TANGO2: variants seen among roughly 807,000 people sequenced by gnomAD.
TANGO2 encodes the protein transport and golgi organization 2 homolog, also known as transport and Golgi organization protein 2 homolog.
TANGO2 carries 26 observed loss-of-function variants against 39.1 expected under a neutral mutation model. That is an observed-to-expected ratio of 0.67 (90% confidence interval 0.49 to 0.92). The LOEUF (loss-of-function observed/expected upper bound fraction) is 0.92, where lower values mean the gene tolerates loss of function less well. Among genes scored for constraint, TANGO2 ranks in the 40% least tolerant of loss-of-function variants. The pLI is 0.00. For synonymous variants in TANGO2, 131 were observed against 144.5 expected (o/e 0.91, Z 0.67); for missense variants, 326 against 360.1 (o/e 0.91, Z 0.77).
rs61737483 is a variant in TANGO2, at chr22:20,061,627, G to A, written c.549G>A (p.Ala183=). ...TGGAGGCTGTGGAACGGAGCCAGGC[G>A]CTGCCCAAGGATGTGCTCATCGCCA... The part of the protein sequence containing the change: ...LFLEAVERSQ[A]LPKDVLIASL... The change falls in exon 7 of 9, where the codon GCG becomes GCA. Residue 183 remains alanine (A), a synonymous_variant. Coordinates refer to ENST00000327374, the MANE Select transcript of TANGO2 (RefSeq NM_152906.7). The A allele has an allele frequency of 3.8e-6, 6 of 1,570,960 alleles. No homozygotes were observed. The highest frequency in any genetic ancestry group is 2.7e-5 in the African/African-American group (2 of 74,374).
Position 20,049,658 on chromosome 22 carries a change from CT to C in TANGO2, c.146-2806del, listed in dbSNP as rs1305858134. ...CTGGGTAACAAGAGCGAAACTCTGTCTCAAAAAAAAAAAAAAAAAGAAAAAA... is the reference window on the plus strand; with the variant it reads ...CTGGGTAACAAGAGCGAAACTCTGTCCAAAAAAAAAAAAAAAAAGAAAAAA... On this transcript the variant is annotated intron_variant, in intron 3 of 8. Transcript: ENST00000327374. Among the ~76,000 whole-genome samples the C allele has an allele frequency of 3.3e-4, 44 of 133,858 alleles. 1 individual carries two copies. The highest frequency in any genetic ancestry group is 1.3e-3 in the African/African-American group (44 of 33,516). The allele number at this position is 133,858 out of a possible 152,430, so 87.8% of individuals were successfully genotyped here. A position where few individuals can be genotyped will look rare whatever the true frequency, so the allele number is the denominator to read the frequency against.
chr22:20,025,451 G>A (rs1334390668), intron 1 of TANGO2, among the ~76,000 whole-genome samples: 3 of 151,950 alleles, frequency 2.0e-5, no homozygotes, highest in Non-Finnish European at 4.4e-5. Context: ...ATGCTTACTG[G>A]GTGTGCACGC....
At chr22:20,018,309 A>G (rs1023239688), upstream of TANGO2, among the ~76,000 whole-genome samples, 3 of 152,220 alleles carry the variant, frequency 2.0e-5, no homozygotes, top group African/African-American at 7.2e-5. Flanking sequence ...TGTCCCTAGA[A>G]TAGGGGCCCT....
intron 1 of TANGO2, among the ~76,000 whole-genome samples, chr22:20,023,349 C>T (rs1052950006): frequency 3.3e-5 from 5 of 152,150 alleles, no homozygotes; most frequent in African/African-American, 1.2e-4. Flanking sequence ...GCGAGGCTGG[C>T]CTGTCCCTGG....
chr22:20,056,158 C>T (rs773384025), intron 6 of TANGO2, 145 bp downstream of exon 6: 3 of 735,702 alleles, frequency 4.1e-6, no homozygotes, highest in Non-Finnish European at 7.3e-6. Flanking sequence ...TCTGTGGGCA[C>T]CTTGCCCTGC....
Position 20,064,520 on chromosome 22 carries a change from G to A in TANGO2, c.711-22G>A, listed in dbSNP as rs192278968. The A allele has an allele frequency of 2.1e-3, 3,424 of 1,613,798 alleles. 40 individuals are homozygous for A. Among genetic ancestry groups the A allele is most frequent in the South Asian group, 0.014 (1,235 of 91,068 alleles). ...CAGGGCTGAGGGACACCAGGTGAAC[G>A]AGGGCCCCTGCTCTCTTTCAGAACC... On this transcript the variant is annotated intron_variant, in intron 8 of 8. Coordinates refer to ENST00000327374, the MANE Select transcript of TANGO2 (RefSeq NM_152906.7).
chr22:20,045,750 G>A (rs1289659962), intron 3 of TANGO2, among the ~76,000 whole-genome samples: 3 of 151,978 alleles, frequency 2.0e-5, no homozygotes, highest in East Asian at 1.9e-4. Context: ...TGATCCGCCC[G>A]CCTTGTCCTC....
upstream of TANGO2, among the ~76,000 whole-genome samples, chr22:20,017,771 A>G (rs1569210331): frequency 1.3e-5 from 2 of 152,070 alleles, no homozygotes; most frequent in Admixed American, 6.5e-5. Context: ...TGGGACCATG[A>G]CCCTCCGCCA....
chr22:20,028,254 G>A (rs1039980106), intron 1 of TANGO2, among the ~76,000 whole-genome samples: 2 of 152,202 alleles, frequency 1.3e-5, no homozygotes, highest in South Asian at 2.1e-4. Flanking sequence ...TGGGACCACA[G>A]GCATATGCCA....
intron 3 of TANGO2, among the ~76,000 whole-genome samples, chr22:20,050,786 T>G (rs1455573732): frequency 6.6e-6 from 1 of 151,932 alleles, no homozygotes; most frequent in Non-Finnish European, 1.5e-5. Context: ...GTTTTGGTAT[T>G]CCTTTTGGGT....
intron 7 of TANGO2, 61 bp downstream of exon 7, chr22:20,061,744 GGCA>G: frequency 6.8e-7 from 1 of 1,480,772 alleles, no homozygotes. Flanking sequence ...CAGAGGGAAA[GGCA>G]GGCCCTGCTG....
intron 7 of TANGO2, 101 bp from the exon 8 acceptor site, chr22:20,063,237 A>G: frequency 3.4e-6 from 3 of 886,814 alleles, no homozygotes; most frequent in Non-Finnish European, 3.6e-6. Flanking sequence ...TTCCCCGGCC[A>G]CTCCCCAGAG....
At chr22:20,040,081 TGACTGA>T (rs2043619727) in intron 2 of TANGO2, among the ~76,000 whole-genome samples, 1 of 152,182 alleles carries the variant, frequency 6.6e-6, no homozygotes, top group Non-Finnish European at 1.5e-5. Context: ...CCACCAGTGA[TGACTGA>T]GAGAGCTACT....
At position 20,053,544 on chromosome 22, in the gene TANGO2, G is replaced by A. The variant is rs17855650; in HGVS notation, c.373G>A (p.Asp125Asn). The change falls in exon 5 of 9, where the codon GAC (aspartate) becomes AAC (asparagine). Residue 125 changes from aspartate to asparagine, a missense_variant. By Grantham distance (23) the Asp-to-Asn change is conservative. Transcript: ENST00000327374. ...LYNGFNLIAADLSTAKGDVIC... is the reference protein window; with the variant it reads ...LYNGFNLIAANLSTAKGDVIC... ...CAATGGCTTCAACCTCATAGCAGCC[G>A]ACCTGAGGTGGGTCTGCCAGAGGGG... 2.5e-6 allele frequency: 4 copies of A among 1,609,168 alleles called. No individual in the cohort carries two copies. Among genetic ancestry groups the A allele is most frequent in the Middle Eastern group, 1.7e-4 (1 of 6,050 alleles).
At chr22:20,044,696 A>G (rs1380339830) in intron 3 of TANGO2, among the ~76,000 whole-genome samples, 2 of 152,146 alleles carry the variant, frequency 1.3e-5, no homozygotes, top group Non-Finnish European at 2.9e-5. Flanking sequence ...GGGTGGTCCT[A>G]GGCCTGCTGG....
chr22:20,061,945 T>A (rs1236240531), intron 7 of TANGO2: 7 of 469,374 alleles, frequency 1.5e-5, no homozygotes, highest in East Asian at 3.7e-5. Context: ...AGAGGCTTGA[T>A]GCAGCCACGT....
At chr22:20,021,724 G>A (rs1396601927) in intron 1 of TANGO2, among the ~76,000 whole-genome samples, 1 of 152,250 alleles carries the variant, frequency 6.6e-6, no homozygotes, top group African/African-American at 2.4e-5. Context: ...GGCTGGCAGG[G>A]CTGCACTCAG....
In TANGO2 at chr22:20,057,229, G is replaced by A. The variant is rs746006066; in HGVS notation, c.451+1216G>A. On this transcript the variant is annotated intron_variant, in intron 6 of 8. Transcript: ENST00000327374. This position sits in a 1 kb window ranked among gnomAD's most constrained non-coding sequence, Gnocchi z 4.1. ...ATCTTAGGGGGCTGGTGGTGCTGAC[G>A]GGCTCATCATGAGTCCTGTGGTCCT... Among the ~76,000 whole-genome samples the A allele has an allele frequency of 2.6e-5, 4 of 152,140 alleles. No individual in the cohort carries two copies. The highest frequency in any genetic ancestry group is 1.3e-4 in the Admixed American group (2 of 15,278).
chr22:20,052,011 A>C (rs564847734), intron 3 of TANGO2, among the ~76,000 whole-genome samples: 9 of 152,306 alleles, frequency 5.9e-5, no homozygotes, highest in Middle Eastern at 6.8e-3. Context: ...CATGCCCTGC[A>C]GATTTGGCGG....
Sources: allele counts gnomAD v4.1 joint callset (sites outside exome capture counted in the v4.1 genomes callset), GRCh38; gene constraint gnomAD v4.1.1; non-coding constraint Gnocchi (gnomAD v3.1); transcripts MANE v1.5; gene names NCBI Gene and HGNC (gene_info 2026-07-23, HGNC 2026-07-21).